ZNF678: variants seen among roughly 807,000 people sequenced by gnomAD.
The protein encoded by ZNF678 is zinc finger protein 678, also known as hypothetical protein MGC42493.
Under a neutral mutation model 3.0 loss-of-function variants are expected in ZNF678, and 5 were observed. The observed-to-expected ratio is 1.69, with a 90% confidence interval of 0.88 to 3.56. The LOEUF (loss-of-function observed/expected upper bound fraction) is 3.56. Ranked by LOEUF, ZNF678 falls within the 30% of genes most tolerant of loss-of-function variation. The probability of loss-of-function intolerance (pLI) is 0.00; values close to 1 mark genes in which losing one functional copy is unlikely to be tolerated. For missense variants in ZNF678, 593 were observed against 605.0 expected (o/e 0.98, Z 0.21); for synonymous variants, 218 against 199.6 (o/e 1.09, Z -0.78).
chr1:227,574,320 G>A lies in ZNF678; in HGVS notation c.-164+10596G>A, dbSNP rs369791740. ...TATAAGGATCTTTTTCTCTGCAACC[G>A]TGCCAGCATTTGTTACTTTTTGACT... On this transcript the variant is annotated intron_variant, in intron 1 of 3. Transcript: ENST00000343776. Among the ~76,000 whole-genome samples, 4 of 152,060 alleles carry A rather than the reference G, an allele frequency of 2.6e-5. No individual in the cohort carries two copies. The South Asian group carries it at 8.3e-4, about 32-fold the overall frequency.
chr1:227,631,784 A>G (rs1658552349), intron 1 of ZNF678, among the ~76,000 whole-genome samples: 1 of 152,210 alleles, frequency 6.6e-6, no homozygotes, highest in South Asian at 2.1e-4. Context: ...TCTGGGCGCC[A>G]TGTTGTCCTT....
chr1:227,601,399 T>A (rs1464634175), intron 1 of ZNF678, among the ~76,000 whole-genome samples: 2 of 152,154 alleles, frequency 1.3e-5, no homozygotes, highest in African/African-American at 4.8e-5. Flanking sequence ...GTGTCATCTC[T>A]GATTTTTATT....
chr1:227,563,597 C>T lies in ZNF678; in HGVS notation c.-291C>T, dbSNP rs1310478940. The T allele has an allele frequency of 4.9e-6, 5 of 1,021,036 alleles. No homozygotes were observed. The highest frequency in any genetic ancestry group is 6.9e-6 in the Non-Finnish European group (5 of 729,650). The allele number at this position is 1,021,036 out of a possible 1,614,324, so 63.2% of individuals were successfully genotyped here. On this transcript the variant is annotated 5_prime_UTR_variant, in exon 1 of 4. Transcript: ENST00000343776. ...AGCTGGAGCTTTGGTCCCGTATTCT[C>T]GGCTATTTATCCCCAGCTGCGGGAG...
In ZNF678 at chr1:227,656,768, A is replaced by G. The variant is rs549457402; in HGVS notation, c.*940A>G. On this transcript the variant is annotated 3_prime_UTR_variant, in exon 4 of 4. Coordinates refer to ENST00000343776, the MANE Select transcript of ZNF678 (RefSeq NM_001367909.1). Reference sequence around the variant, plus strand: ...TATGAGTTGCACATTAAGATAATACAGTAGCTTTTGAAATGTTATTTTTAG... The same window carrying G: ...TATGAGTTGCACATTAAGATAATACGGTAGCTTTTGAAATGTTATTTTTAG... 4.6e-5 allele frequency: 7 copies of G among 152,142 alleles called. No homozygotes were observed. Among genetic ancestry groups the G allele is most frequent in the Non-Finnish European group, 1.0e-4 (7 of 67,888 alleles). The allele number at this position is 152,142 out of a possible 1,614,324, so 9.4% of individuals were successfully genotyped here.
intron 1 of ZNF678, among the ~76,000 whole-genome samples, chr1:227,585,381 A>G (rs1449245688): frequency 6.6e-6 from 1 of 152,230 alleles, no homozygotes; most frequent in Non-Finnish European, 1.5e-5. Flanking sequence ...TGAACCTTAA[A>G]TGGCTAATAA....
At chr1:227,672,703 C>T (rs576883689) in intron 5 of ZNF678, among the ~76,000 whole-genome samples, 1 of 152,076 alleles carries the variant, frequency 6.6e-6, no homozygotes, top group African/African-American at 2.4e-5. Flanking sequence ...GTCGGTCGGT[C>T]TAGGGATGAT....
intron 1 of ZNF678, among the ~76,000 whole-genome samples, chr1:227,593,865 CCCT>C (rs374921208): frequency 0.36 from 41,777 of 117,008 alleles, 7,661 homozygotes; most frequent in African/African-American, 0.59. Flanking sequence ...TCCCCCCCCC[CCCT>C]TTTTTTTTTT....
downstream of ZNF678, among the ~76,000 whole-genome samples, chr1:227,679,464 C>T (rs887903334): frequency 1.6e-4 from 25 of 152,124 alleles, no homozygotes; most frequent in Admixed American, 3.3e-4. Context: ...AAATCCCTGT[C>T]CTGTTCTGTT....
intron 1 of ZNF678, among the ~76,000 whole-genome samples, chr1:227,620,381 G>T (rs1238280042): frequency 6.6e-6 from 1 of 152,114 alleles, no homozygotes; most frequent in Non-Finnish European, 1.5e-5. Flanking sequence ...TTGTGTGTGT[G>T]TGTGTTGCCT....
At position 227,655,442 on chromosome 1, in the gene ZNF678, A is replaced by G; in HGVS notation, c.1192A>G (p.Ile398Val). ...KFSSLTQHRR[I>V]HTGVKPYKCE... The stretch of plus-strand genomic sequence containing the variant: ...CTCAAGCCTTACTCAACATAGGAGA[A>G]TTCATACTGGAGTGAAACCCTACAA... Residue 398 changes from isoleucine (I) to valine (V), a missense_variant, in exon 4 of 4, where the codon ATT becomes GTT. Physicochemically the swap from Ile to Val is conservative, Grantham distance 29. Transcript: ENST00000343776. 1 of 1,612,656 alleles carries G rather than the reference A, an allele frequency of 6.2e-7. No individual in the cohort carries two copies. Among genetic ancestry groups the G allele is most frequent in the Non-Finnish European group, 8.5e-7 (1 of 1,179,276 alleles).
chr1:227,665,764 A>G (rs181385948), downstream of ZNF678, among the ~76,000 whole-genome samples: 2 of 152,178 alleles, frequency 1.3e-5, no homozygotes, highest in African/African-American at 4.8e-5. Context: ...TCTTTTGCCA[A>G]TTTTTCTATT....
chr1:227,664,800 C>T (rs1311057461), downstream of ZNF678, among the ~76,000 whole-genome samples: 1 of 151,866 alleles, frequency 6.6e-6, no homozygotes, highest in Non-Finnish European at 1.5e-5. Context: ...CCCAGGACCC[C>T]TTCCTTCCAT....
At chr1:227,565,679 T>A (rs535723866) in intron 1 of ZNF678, among the ~76,000 whole-genome samples, 3 of 152,384 alleles carry the variant, frequency 2.0e-5, no homozygotes, top group African/African-American at 7.2e-5. Context: ...TTTTTATCTT[T>A]CCTAGGCACA....
rs760687216 is a variant in ZNF678 at position 227,658,914 on chromosome 1, A to C, written c.*3086A>C. ...TTAATAATGGTAGGCTATATATCAT[A>C]ATCACTATATAAAGAAACATCAGAA... On this transcript the variant is annotated 3_prime_UTR_variant, in exon 4 of 4. Coordinates refer to ENST00000343776, the MANE Select transcript of ZNF678 (RefSeq NM_001367909.1). 6.6e-6 allele frequency: 1 copy of C among 152,076 alleles called. No homozygotes were observed. The highest frequency in any genetic ancestry group is 1.5e-5 in the Non-Finnish European group (1 of 67,960). 9.4% of individuals were successfully genotyped at this position (152,076 alleles called of 1,614,324 possible). A position where few individuals can be genotyped will look rare whatever the true frequency, so the allele number is the denominator to read the frequency against.
rs1659428681 is a variant in ZNF678 at position 227,662,278 on chromosome 1, T to C, written c.*6450T>C. The C allele has an allele frequency of 1.3e-5, 2 of 152,184 alleles. No individual in the cohort carries two copies. The highest frequency in any genetic ancestry group is 4.1e-4 in the South Asian group (2 of 4,830). 9.4% of individuals were successfully genotyped at this position (152,184 alleles called of 1,614,324 possible). A position where few individuals can be genotyped will look rare whatever the true frequency, so the allele number is the denominator to read the frequency against. ...GGCTTTTGCACATCCAATGTCTCCTTAAAGCATGTGGTTCAGAATTGAGAA... is the reference window on the plus strand; with the variant it reads ...GGCTTTTGCACATCCAATGTCTCCTCAAAGCATGTGGTTCAGAATTGAGAA... On this transcript the variant is annotated 3_prime_UTR_variant, in exon 4 of 4. Coordinates refer to ENST00000343776, the MANE Select transcript of ZNF678 (RefSeq NM_001367909.1).
At chr1:227,643,605 C>T (rs1265118900) in intron 1 of ZNF678, among the ~76,000 whole-genome samples, 2 of 152,164 alleles carry the variant, frequency 1.3e-5, no homozygotes, top group Non-Finnish European at 2.9e-5. Flanking sequence ...CAAATCCAAA[C>T]AGATAAATGG....
rs150150125 is a variant in ZNF678 at position 227,635,641 on chromosome 1, G to A, written c.-163-10903G>A. On this transcript the variant is annotated intron_variant, in intron 1 of 3. Coordinates refer to ENST00000343776, the MANE Select transcript of ZNF678 (RefSeq NM_001367909.1). ...AATGGCGTCAGCACCAAGTGAGGACGGGGCAAAGGTTTTATGGTCTCCTGC... is the reference window on the plus strand; with the variant it reads ...AATGGCGTCAGCACCAAGTGAGGACAGGGCAAAGGTTTTATGGTCTCCTGC... Among the ~76,000 whole-genome samples the A allele has an allele frequency of 4.6e-3, 698 of 151,896 alleles. 3 individuals carry two copies. Among genetic ancestry groups the A allele is most frequent in the Admixed American group, 5.2e-3 (79 of 15,252 alleles).
rs1657348750 is a variant in ZNF678 at position 227,589,384 on chromosome 1, C to G, written c.-164+25660C>G. ...ATATGGCTAGCCAGTTATCTTAGCC[C>G]CATTTATTAAATAGGGAATCTTTTC... On this transcript the variant is annotated intron_variant, in intron 1 of 3. Transcript: ENST00000343776. Among the ~76,000 whole-genome samples the G allele has an allele frequency of 2.0e-5, 3 of 151,770 alleles. No homozygotes were observed. The South Asian group carries it at 6.2e-4, about 32-fold the overall frequency.
In ZNF678 at chr1:227,655,677, T is replaced by C. The variant is rs1443633142; in HGVS notation, c.1427T>C (p.Leu476Pro). 1 of 1,612,778 alleles carries C rather than the reference T, an allele frequency of 6.2e-7. No individual in the cohort carries two copies. Among genetic ancestry groups the C allele is most frequent in the South Asian group, 1.1e-5 (1 of 91,038 alleles). Residue 476 changes from leucine to proline, a missense_variant, in exon 4 of 4, where the codon CTT becomes CCT. Coordinates refer to ENST00000343776, the MANE Select transcript of ZNF678 (RefSeq NM_001367909.1). ...AAAGCCTTTAACCAGTTCTCAAGCC[T>C]TACTCGTCATAAAAGAATTCATACT... Reference protein sequence around the residue: ...CGKAFNQFSSLTRHKRIHTGE... With the variant: ...CGKAFNQFSSPTRHKRIHTGE...
Sources: allele counts gnomAD v4.1 joint callset (sites outside exome capture counted in the v4.1 genomes callset), GRCh38; gene constraint gnomAD v4.1.1; transcripts MANE v1.5; gene names NCBI Gene and HGNC (gene_info 2026-07-23, HGNC 2026-07-21).